The following TLE3 variants were observed in gnomAD, a reference collection of about 807,000 sequenced individuals.
TLE3 encodes the protein TLE family member 3, transcriptional corepressor.
Under a neutral mutation model 93.0 loss-of-function variants are expected in TLE3, and 14 were observed. The observed-to-expected ratio is 0.15, with a 90% confidence interval of 0.10 to 0.24. The LOEUF is 0.24. Among genes scored for constraint, TLE3 ranks in the 10% least tolerant of loss-of-function variants. The pLI, the probability that TLE3 is intolerant of heterozygous loss-of-function variation, is 1.00. For missense variants in TLE3, 693 were observed against 1,046.6 expected (o/e 0.66, Z 4.66); for synonymous variants, 451 against 425.0 (o/e 1.06, Z -0.75).
chr15:70,051,578 A>G, intron 18 of TLE3, 111 bp from the exon 19 acceptor site: 1 of 655,252 alleles, frequency 1.5e-6, no homozygotes, highest in Non-Finnish European at 2.3e-6. Context: ...ACTGCTAACT[A>G]GTATAACTCT....
rs757472823 is a variant in TLE3 at position 70,054,560 on chromosome 15, C to T, written c.1704G>A (p.Glu568=). The change falls in exon 16 of 20, where the codon GAG becomes GAA. Residue 568 remains glutamate, a synonymous_variant. Transcript: ENST00000451782. The part of the protein sequence containing the change: ...LASPTPRIKA[E]LTSSAPACYA... Reference sequence around the variant, plus strand: ...AACAGGCGGGAGCCGAGGACGTCAGCTCGGCCTTGATGCGGGGCGTGGGCG... The same window carrying T: ...AACAGGCGGGAGCCGAGGACGTCAGTTCGGCCTTGATGCGGGGCGTGGGCG... The T allele has an allele frequency of 3.0e-5, 48 of 1,613,872 alleles. No homozygotes were observed. The highest frequency in any genetic ancestry group is 3.6e-5 in the Non-Finnish European group (43 of 1,179,892).
chr15:70,075,608 G>C (rs2057402003), intron 5 of TLE3, among the ~76,000 whole-genome samples: 3 of 152,178 alleles, frequency 2.0e-5, no homozygotes, highest in South Asian at 4.1e-4. Context: ...TGTCTGGTCG[G>C]CACCAGGGGG....
intron 12 of TLE3, chr15:70,057,949 G>T: frequency 1.2e-6 from 1 of 851,638 alleles, no homozygotes; most frequent in Non-Finnish European, 1.8e-6. Flanking sequence ...GCCCTGACCC[G>T]TCTGATGCTG....
rs2056403723 is a variant in TLE3, at chr15:70,060,550, TCTC to T, written c.691_693del (p.Glu231del). 1.2e-6 allele frequency: 2 copies of T among 1,613,938 alleles called. No homozygotes were observed. Among genetic ancestry groups the T allele is most frequent in the African/African-American group, 1.3e-5 (1 of 75,044 alleles). ...CGTACGTATCGGCTCAAGCTGTCCTTCTCCTCCGCCTTCCGCTTCTTGGCTTCC... is the reference window on the plus strand; with the variant it reads ...CGTACGTATCGGCTCAAGCTGTCCTTCTCCGCCTTCCGCTTCTTGGCTTCC... On this transcript the variant is annotated inframe_deletion, in exon 9 of 20. Coordinates refer to ENST00000451782, the MANE Select transcript of TLE3 (RefSeq NM_001105192.3).
chr15:70,069,737 T>TGAC (rs1427726606), intron 6 of TLE3, among the ~76,000 whole-genome samples: 1 of 152,222 alleles, frequency 6.6e-6, no homozygotes, highest in East Asian at 1.9e-4. Flanking sequence ...GAGGGTCCGC[T>TGAC]AACAACAATC....
At chr15:70,057,951 C>T (rs144395342) in intron 12 of TLE3, 161 of 858,068 alleles carry the variant, frequency 1.9e-4, no homozygotes, top group Non-Finnish European at 2.6e-4. Context: ...CCTGACCCGT[C>T]TGATGCTGCT....
chr15:70,076,227 T>C, intron 4 of TLE3, 69 bp from the exon 5 acceptor site: 4 of 1,459,376 alleles, frequency 2.7e-6, no homozygotes, highest in Non-Finnish European at 3.8e-6. Flanking sequence ...CATAGGCAAG[T>C]GGAAATGCAA....
chr15:70,054,934 A>G lies in TLE3; in HGVS notation c.1578+115T>C, dbSNP rs553842840. On this transcript the variant is annotated intron_variant, in intron 15 of 19. Coordinates refer to ENST00000451782, the MANE Select transcript of TLE3 (RefSeq NM_001105192.3). Reference sequence around the variant, plus strand: ...CTCAGAGAGGTTAGTCAGCTTGCCTAAAGTTGCTCAGCCAATACGATGCTG... The same window carrying G: ...CTCAGAGAGGTTAGTCAGCTTGCCTGAAGTTGCTCAGCCAATACGATGCTG... 236 of 1,425,112 alleles carry G rather than the reference A, an allele frequency of 1.7e-4. No individual in the cohort carries two copies. The African/African-American group carries it at 3.2e-3, about 19-fold the overall frequency. The allele number at this position is 1,425,112 out of a possible 1,614,324, so 88.3% of individuals were successfully genotyped here. A position where few individuals can be genotyped will look rare whatever the true frequency, so the allele number is the denominator to read the frequency against.
chr15:70,084,826 ATG>A (rs2057967311), intron 4 of TLE3, among the ~76,000 whole-genome samples: 1 of 152,192 alleles, frequency 6.6e-6, no homozygotes, highest in Non-Finnish European at 1.5e-5. Flanking sequence ...CTTGTCCTCT[ATG>A]TCTGAGGCCT....
At chr15:70,083,892 C>G (rs1448444417) in intron 4 of TLE3, among the ~76,000 whole-genome samples, 1 of 152,116 alleles carries the variant, frequency 6.6e-6, no homozygotes, top group Non-Finnish European at 1.5e-5. Context: ...GAGCCCCATT[C>G]TATCTACCTA....
chr15:70,052,285 A>G, intron 18 of TLE3, 89 bp downstream of exon 18: 1 of 1,525,840 alleles, frequency 6.6e-7, no homozygotes, highest in Non-Finnish European at 8.9e-7. Flanking sequence ...TTATTCTATA[A>G]GCTTTGGGCC....
At chr15:70,096,603 T>G in intron 1 of TLE3, 172 bp downstream of exon 1, 1 of 1,537,202 alleles carries the variant, frequency 6.5e-7, no homozygotes, top group Non-Finnish European at 8.7e-7. Flanking sequence ...TCGCGCGGAA[T>G]TAACCTCCTC....
intron 4 of TLE3, among the ~76,000 whole-genome samples, chr15:70,091,243 C>T (rs1312507747): frequency 6.6e-6 from 1 of 152,236 alleles, no homozygotes. Context: ...CGACACTGCC[C>T]CAAAATCAAA....
intron 2 of TLE3, 143 bp from the exon 3 acceptor site, chr15:70,095,784 C>CG: frequency 9.7e-7 from 1 of 1,032,646 alleles, no homozygotes; most frequent in Non-Finnish European, 1.4e-6. Flanking sequence ...CCTGGGGACG[C>CG]GGGGGGATTT....
At chr15:70,090,404 C>T (rs993593772) in intron 4 of TLE3, among the ~76,000 whole-genome samples, 1 of 152,182 alleles carries the variant, frequency 6.6e-6, no homozygotes, top group East Asian at 1.9e-4. Context: ...GTCTAAGGAC[C>T]TTTGACCCCT....
chr15:70,095,525 C>T, intron 3 of TLE3, 53 bp downstream of exon 3: 1 of 1,546,954 alleles, frequency 6.5e-7, no homozygotes, highest in Non-Finnish European at 8.7e-7. Flanking sequence ...ACGCCGCGCC[C>T]CCGGCCGGGG....
chr15:70,078,858 A>C (rs111558464), intron 4 of TLE3, among the ~76,000 whole-genome samples: 23 of 152,348 alleles, frequency 1.5e-4, no homozygotes, highest in African/African-American at 5.3e-4. Context: ...GCAGGGAGGC[A>C]GGGTGATTAT....
intron 7 of TLE3, 31 bp downstream of exon 7, chr15:70,065,983 C>CCCCCCCCCCCAG: frequency 1.4e-6 from 2 of 1,466,184 alleles, no homozygotes; most frequent in Non-Finnish European, 9.5e-7. Flanking sequence ...ACCCCTGCCC[C>CCCCCCCCCCCAG]GCCCCACCCT....
chr15:70,092,748 C>T (rs2058363989), intron 4 of TLE3, among the ~76,000 whole-genome samples: 2 of 152,230 alleles, frequency 1.3e-5, no homozygotes, highest in African/African-American at 4.8e-5. Context: ...CCCCAGGACT[C>T]ACAGAACAGA....
Sources: gnomAD v4.1 joint callset for allele counts (sites outside exome capture counted in the v4.1 genomes callset) on GRCh38, gnomAD v4.1.1 for gene constraint, MANE v1.5 for transcripts, NCBI Gene and HGNC (gene_info 2026-07-23, HGNC 2026-07-21) for gene names.